Variants in CTNNBL1 observed in about 807,000 individuals in gnomAD.
The protein encoded by CTNNBL1 is catenin beta like 1.
A neutral mutation model predicts 72.7 loss-of-function variants in CTNNBL1; 31 were observed. That is an observed-to-expected ratio of 0.43 (90% CI 0.32 to 0.58). The LOEUF is 0.58. CTNNBL1 is among the 20% of genes least tolerant of loss of function. The probability of loss-of-function intolerance (pLI) is 0.08; values close to 1 mark genes in which losing one functional copy is unlikely to be tolerated. For missense variants in CTNNBL1, 534 were observed against 725.1 expected, an observed-to-expected ratio of 0.74 and a Z score of 3.03; for synonymous variants, 240 against 267.3, an observed-to-expected ratio of 0.90 and a Z score of 1.00.
chr20:37,820,226 C>T (rs2072094287), intron 11 of CTNNBL1, among the ~76,000 whole-genome samples: 1 of 152,042 alleles, frequency 6.6e-6, no homozygotes, highest in African/African-American at 2.4e-5. Flanking sequence ...GTTTCGGTCT[C>T]CTTAAGGCAA....
chr20:37,779,017 G>A (rs2073601396), intron 9 of CTNNBL1, among the ~76,000 whole-genome samples, 170 bp from the exon 10 acceptor site: 3 of 151,706 alleles, frequency 2.0e-5, no homozygotes, highest in Admixed American at 1.3e-4. Context: ...TTTAATATAT[G>A]TGAATCATTT....
At chr20:37,860,923 C>T (rs562572299) in intron 15 of CTNNBL1, among the ~76,000 whole-genome samples, 34 of 152,190 alleles carry the variant, frequency 2.2e-4, no homozygotes, top group African/African-American at 8.0e-4. Context: ...GTGTAGTTAT[C>T]ATAGGTGTGT....
chr20:37,870,631 G>A (rs1322920472), intron 15 of CTNNBL1, among the ~76,000 whole-genome samples: 16 of 152,210 alleles, frequency 1.1e-4, no homozygotes, highest in African/African-American at 9.6e-5. Context: ...CTGTCACGTC[G>A]CATCTCCTTT....
At chr20:37,823,636 A>C (rs747626812) in intron 11 of CTNNBL1, among the ~76,000 whole-genome samples, 2 of 152,206 alleles carry the variant, frequency 1.3e-5, no homozygotes, top group Non-Finnish European at 2.9e-5. Context: ...AAGGCCCTGG[A>C]AACAGGCCCC....
At chr20:37,864,881 A>T (rs554470628) in intron 15 of CTNNBL1, among the ~76,000 whole-genome samples, 1 of 152,218 alleles carries the variant, frequency 6.6e-6, no homozygotes, top group African/African-American at 2.4e-5. Flanking sequence ...TCACTTACCG[A>T]GCTCCTACCT....
At chr20:37,815,872 A>G (rs998181901) in intron 11 of CTNNBL1, among the ~76,000 whole-genome samples, 10 of 152,248 alleles carry the variant, frequency 6.6e-5, no homozygotes, top group Non-Finnish European at 1.0e-4. Flanking sequence ...CACTGCTCAT[A>G]AAGAATACAA....
chr20:37,820,920 C>G (rs890697982), intron 11 of CTNNBL1, among the ~76,000 whole-genome samples: 7 of 152,194 alleles, frequency 4.6e-5, no homozygotes, highest in Admixed American at 1.3e-4. Context: ...ATAATCCTTT[C>G]AGGTCTTCTT....
chr20:37,761,210 G>A (rs2073414743), intron 5 of CTNNBL1, among the ~76,000 whole-genome samples: 1 of 152,214 alleles, frequency 6.6e-6, no homozygotes, highest in South Asian at 2.1e-4. Flanking sequence ...ATGGAAGTGT[G>A]GCTGGGTGGT....
chr20:37,714,214 G>A (rs1356058217), intron 1 of CTNNBL1, among the ~76,000 whole-genome samples: 1 of 152,208 alleles, frequency 6.6e-6, no homozygotes, highest in Non-Finnish European at 1.5e-5. Context: ...TTATTGGACT[G>A]TGAGTTGCTC....
chr20:37,849,069 A>C (rs1198784477), intron 13 of CTNNBL1, among the ~76,000 whole-genome samples: 1 of 152,166 alleles, frequency 6.6e-6, no homozygotes, highest in African/African-American at 2.4e-5. Context: ...CACATCTCAT[A>C]ATCTGGTCCG....
chr20:37,802,773 T>C, intron 10 of CTNNBL1, 94 bp from the exon 11 acceptor site: 2 of 948,724 alleles, frequency 2.1e-6, no homozygotes, highest in Non-Finnish European at 3.2e-6. Flanking sequence ...TCCATTTAGA[T>C]GTATAATGTG....
At chr20:37,733,375 G>A (rs991664805) in intron 2 of CTNNBL1, among the ~76,000 whole-genome samples, 1 of 152,158 alleles carries the variant, frequency 6.6e-6, no homozygotes, top group Non-Finnish European at 1.5e-5. Flanking sequence ...CTTTGAAAGA[G>A]GGGTCAAATT....
intron 11 of CTNNBL1, among the ~76,000 whole-genome samples, chr20:37,810,329 CT>C (rs2071999357): frequency 6.6e-6 from 1 of 152,204 alleles, no homozygotes; most frequent in Non-Finnish European, 1.5e-5. Context: ...GACAGCCTTG[CT>C]TTATAACAAC....
intron 11 of CTNNBL1, among the ~76,000 whole-genome samples, chr20:37,819,044 A>G (rs2072083606): frequency 6.6e-6 from 1 of 152,192 alleles, no homozygotes; most frequent in South Asian, 2.1e-4. Context: ...CGTCATTTCC[A>G]ATACTGCAGG....
At chr20:37,715,682 A>T (rs1377247330) in intron 1 of CTNNBL1, among the ~76,000 whole-genome samples, 2 of 152,216 alleles carry the variant, frequency 1.3e-5, no homozygotes, top group Non-Finnish European at 2.9e-5. Flanking sequence ...GTTTACTGGA[A>T]TTCTCAGATT....
At chr20:37,819,235 A>G (rs1054728593) in intron 11 of CTNNBL1, among the ~76,000 whole-genome samples, 4 of 152,212 alleles carry the variant, frequency 2.6e-5, no homozygotes, top group East Asian at 1.9e-4. Flanking sequence ...CATTTGTTCA[A>G]TGTAAAATTT....
chr20:37,864,845 A>G (rs897055327), intron 15 of CTNNBL1, among the ~76,000 whole-genome samples: 3 of 152,154 alleles, frequency 2.0e-5, no homozygotes, highest in African/African-American at 7.2e-5. Context: ...TATTCCAGAA[A>G]TCCAGGACCA....
At chr20:37,753,515 A>G (rs2073337958) in intron 4 of CTNNBL1, among the ~76,000 whole-genome samples, 1 of 152,192 alleles carries the variant, frequency 6.6e-6, no homozygotes, top group African/African-American at 2.4e-5. Context: ...AAAGGACTTG[A>G]TCAATCTGAA....
At chr20:37,722,202 G>A (rs2073046597) in intron 1 of CTNNBL1, among the ~76,000 whole-genome samples, 2 of 152,250 alleles carry the variant, frequency 1.3e-5, no homozygotes, top group African/African-American at 4.8e-5. Flanking sequence ...GGTCAGGCAT[G>A]GTTGTTCATG....
Sources: allele counts gnomAD v4.1 joint callset (sites outside exome capture counted in the v4.1 genomes callset), GRCh38; gene constraint gnomAD v4.1.1; transcripts MANE v1.5; gene names NCBI Gene and HGNC (gene_info 2026-07-23, HGNC 2026-07-21).